Variants in TMOD1 observed in about 807,000 individuals in gnomAD.
TMOD1 encodes tropomodulin 1.
A neutral mutation model predicts 40.6 loss-of-function variants in TMOD1; 17 were observed. The ratio of observed to expected loss-of-function variants is 0.42; its 90% confidence interval spans 0.29 to 0.63. The LOEUF is 0.63. Ranked by LOEUF, TMOD1 falls within the 20% of genes least tolerant of loss-of-function variation. The pLI is 0.22. For synonymous variants in TMOD1, 181 were observed against 175.0 expected (o/e 1.03, Z -0.27); for missense variants, 391 against 447.6 (o/e 0.87, Z 1.14).
intron 1 of TMOD1, among the ~76,000 whole-genome samples, chr9:97,510,237 CT>C (rs11379458): frequency 4.2e-4 from 62 of 148,774 alleles, no homozygotes; most frequent in Middle Eastern, 3.5e-3. Flanking sequence ...TACAAGTTAG[CT>C]TTTTTTTTTT....
At chr9:97,551,014 ATTTTTT>A (rs55700746) in intron 3 of TMOD1, among the ~76,000 whole-genome samples, 142 of 104,226 alleles carry the variant, frequency 1.4e-3, no homozygotes, top group South Asian at 4.6e-3. Flanking sequence ...ATATATATAT[ATTTTTT>A]TTTTTTTTTT....
chr9:97,594,945 GT>G (rs1300296119), intron 9 of TMOD1, among the ~76,000 whole-genome samples: 5 of 152,166 alleles, frequency 3.3e-5, no homozygotes, highest in Admixed American at 6.5e-5. Flanking sequence ...AGTTGTGTGG[GT>G]TGGGGTATCG....
chr9:97,531,707 C>T (rs965401404), intron 2 of TMOD1, among the ~76,000 whole-genome samples: 11 of 152,170 alleles, frequency 7.2e-5, no homozygotes, highest in Non-Finnish European at 1.5e-4. Context: ...ACTTAGAAAT[C>T]ATCTAACAGT....
chr9:97,501,208 G>A (rs1023922416), upstream of TMOD1: 1 of 152,140 alleles, frequency 6.6e-6, no homozygotes, highest in Non-Finnish European at 1.5e-5. Context: ...TAAAGCTTGC[G>A]GCTCAGAGCC....
intron 5 of TMOD1, 49 bp from the exon 6 acceptor site, chr9:97,563,989 G>T: frequency 6.3e-7 from 1 of 1,577,882 alleles, no homozygotes; most frequent in Non-Finnish European, 8.6e-7. Context: ...TTGGCAGAAA[G>T]TGAGCCCCTT....
chr9:97,517,988 C>T (rs1829843778), intron 1 of TMOD1, among the ~76,000 whole-genome samples: 1 of 152,186 alleles, frequency 6.6e-6, no homozygotes, highest in Admixed American at 6.5e-5. Context: ...AGCTGTCCCT[C>T]AGGACTCCAC....
intron 9 of TMOD1, among the ~76,000 whole-genome samples, chr9:97,591,796 C>A (rs1196970243): frequency 6.6e-6 from 1 of 152,122 alleles, no homozygotes; most frequent in Non-Finnish European, 1.5e-5. Context: ...GCGTCCTCTC[C>A]AGGTCACACA....
At chr9:97,519,271 C>T (rs2131217529) in intron 1 of TMOD1, among the ~76,000 whole-genome samples, 1 of 152,316 alleles carries the variant, frequency 6.6e-6, no homozygotes, top group Non-Finnish European at 1.5e-5. Flanking sequence ...CCCTCATTTT[C>T]ACTGTCCAAC....
intron 9 of TMOD1, 119 bp from the exon 10 acceptor site, chr9:97,599,515 A>T (rs1182510828): frequency 7.9e-7 from 1 of 1,267,604 alleles, no homozygotes; most frequent in Non-Finnish European, 1.1e-6. Context: ...AAAACAACAG[A>T]CTTCAGACTC....
intron 2 of TMOD1, among the ~76,000 whole-genome samples, chr9:97,526,984 C>T (rs1349612290): frequency 6.6e-6 from 1 of 152,202 alleles, no homozygotes; most frequent in South Asian, 2.1e-4. Flanking sequence ...GTGTCCTCCT[C>T]TTCCTGATAT....
intron 1 of TMOD1, among the ~76,000 whole-genome samples, chr9:97,507,976 C>A (rs1324914326): frequency 1.3e-5 from 2 of 151,868 alleles, no homozygotes; most frequent in East Asian, 1.9e-4. Flanking sequence ...CAATGAAGGG[C>A]AGACTCAAAT....
chr9:97,555,511 G>T, intron 4 of TMOD1: 6 of 1,447,638 alleles, frequency 4.1e-6, no homozygotes, highest in Non-Finnish European at 5.4e-6. Context: ...ATTTTTGTTG[G>T]CGTGGCTATT....
chr9:97,512,272 T>G (rs1829716278), intron 1 of TMOD1, among the ~76,000 whole-genome samples: 1 of 152,180 alleles, frequency 6.6e-6, no homozygotes, highest in African/African-American at 2.4e-5. Context: ...CAGTACCAAG[T>G]GTTGACAAGG....
chr9:97,553,218 T>TG, intron 3 of TMOD1, 63 bp from the exon 4 acceptor site: 1 of 1,608,894 alleles, frequency 6.2e-7, no homozygotes, highest in Admixed American at 1.7e-5. Context: ...CGCAGGGCTG[T>TG]GGGTCCACCA....
Position 97,568,952 on chromosome 9 carries a change from A to G in TMOD1, c.785A>G (p.Asn262Ser), listed in dbSNP as rs769155567. Reference sequence around the variant, plus strand: ...TTGAAGACACTGAATGTGGAATCCAACTTCATTTCTGGAGCTGGGATTCTG... The same window carrying G: ...TTGAAGACACTGAATGTGGAATCCAGCTTCATTTCTGGAGCTGGGATTCTG... ...KVLKTLNVES[N>S]FISGAGILRL... Residue 262 changes from asparagine (N) to serine (S), a missense_variant, in exon 8 of 10, where the codon AAC becomes AGC. Coordinates refer to ENST00000259365, the MANE Select transcript of TMOD1 (RefSeq NM_003275.4). The G allele has an allele frequency of 5.0e-6, 8 of 1,614,156 alleles. No homozygotes were observed. Among genetic ancestry groups the G allele is most frequent in the Non-Finnish European group, 6.8e-6 (8 of 1,180,006 alleles).
chr9:97,530,035 T>C (rs557295443), intron 2 of TMOD1, among the ~76,000 whole-genome samples: 4 of 152,278 alleles, frequency 2.6e-5, no homozygotes, highest in Non-Finnish European at 5.9e-5. Context: ...ACCTAGACAG[T>C]CTTGGCCCAG....
At chr9:97,515,211 A>C (rs1212170270) in intron 1 of TMOD1, among the ~76,000 whole-genome samples, 1 of 151,490 alleles carries the variant, frequency 6.6e-6, no homozygotes, top group Non-Finnish European at 1.5e-5. Context: ...GAAAAAAAAA[A>C]AAACAAACCA....
intron 1 of TMOD1, among the ~76,000 whole-genome samples, chr9:97,515,601 A>G (rs1363078253): frequency 6.6e-6 from 1 of 152,126 alleles, no homozygotes; most frequent in Non-Finnish European, 1.5e-5. Flanking sequence ...CTTTAATGGC[A>G]CTTTTGTCTT....
At chr9:97,515,022 C>A (rs773582664) in intron 1 of TMOD1, among the ~76,000 whole-genome samples, 1 of 151,992 alleles carries the variant, frequency 6.6e-6, no homozygotes, top group African/African-American at 2.4e-5. Context: ...ATGTGGATCA[C>A]GGTATTAATA....
Sources: gnomAD v4.1 joint callset for allele counts (sites outside exome capture counted in the v4.1 genomes callset) on GRCh38, gnomAD v4.1.1 for gene constraint, MANE v1.5 for transcripts, NCBI Gene and HGNC (gene_info 2026-07-23, HGNC 2026-07-21) for gene names.